The following FGGY variants were observed in gnomAD, a reference collection of about 807,000 sequenced individuals.
The protein encoded by FGGY is FGGY carbohydrate kinase domain-containing protein.
A neutral mutation model predicts 71.3 loss-of-function variants in FGGY; 72 were observed. The ratio of observed to expected loss-of-function variants is 1.01; its 90% CI spans 0.84 to 1.23. The LOEUF (loss-of-function observed/expected upper bound fraction) is 1.23, where lower values mean the gene tolerates loss of function less well. Ranked by LOEUF, FGGY falls within the 50% of genes most tolerant of loss-of-function variation. The probability of loss-of-function intolerance (pLI) is 0.00; values close to 1 mark genes in which losing one functional copy is unlikely to be tolerated. For synonymous variants in FGGY, 251 were observed against 250.3 expected (o/e 1.00, Z -0.02); for missense variants, 668 against 682.3 (o/e 0.98, Z 0.23).
chr1:59,517,315 G>GAGTGC (rs920034009), intron 7 of FGGY, among the ~76,000 whole-genome samples: 2 of 139,716 alleles, frequency 1.4e-5, no homozygotes, highest in African/African-American at 5.5e-5. Flanking sequence ...GCCCAGGCTG[G>GAGTGC]AGTGCAGTGG....
chr1:59,649,106 T>A (rs1378217936), intron 11 of FGGY, among the ~76,000 whole-genome samples: 1 of 152,082 alleles, frequency 6.6e-6, no homozygotes, highest in African/African-American at 2.4e-5. Flanking sequence ...TCCATTGGTC[T>A]ATATCTCTCT....
At chr1:59,719,766 T>C (rs547759319) in intron 14 of FGGY, among the ~76,000 whole-genome samples, 117 of 152,312 alleles carry the variant, frequency 7.7e-4, no homozygotes, top group African/African-American at 2.6e-3. Flanking sequence ...GGAACATTCT[T>C]TCATTTAATA....
In FGGY at chr1:59,507,518, A is replaced by G. The variant is rs373293756; in HGVS notation, c.671-4793A>G. Among the ~76,000 whole-genome samples the G allele has an allele frequency of 1.3e-4, 19 of 151,212 alleles. No individual in the cohort carries two copies. The East Asian group carries it at 1.9e-3, about 15-fold the overall frequency. On this transcript the variant is annotated intron_variant, in intron 6 of 15. Coordinates refer to ENST00000303721, the MANE Select transcript of FGGY (RefSeq NM_018291.5). ...ACACTGTGTGTTTATCTTCTTTTTTATTTATTTATTTTTTTGAGACGGAGT... is the reference window on the plus strand; with the variant it reads ...ACACTGTGTGTTTATCTTCTTTTTTGTTTATTTATTTTTTTGAGACGGAGT...
intron 6 of FGGY, among the ~76,000 whole-genome samples, chr1:59,501,844 T>C (rs1399169375): frequency 6.6e-5 from 10 of 152,206 alleles, no homozygotes; most frequent in Admixed American, 6.5e-4. Flanking sequence ...TATCTCCACA[T>C]GCTGTAACAT....
chr1:59,556,257 G>C (rs533930766), intron 8 of FGGY, among the ~76,000 whole-genome samples: 3 of 152,184 alleles, frequency 2.0e-5, no homozygotes, highest in Non-Finnish European at 4.4e-5. Context: ...TCTCCTGGGA[G>C]ATCTGAATCT....
At chr1:59,376,152 T>G (rs577985089) in intron 4 of FGGY, among the ~76,000 whole-genome samples, 1 of 152,332 alleles carries the variant, frequency 6.6e-6, no homozygotes, top group South Asian at 2.1e-4. Flanking sequence ...TGACTGTGGC[T>G]TGTTAGATCC....
At chr1:59,303,249 C>G (rs551004838) in intron 1 of FGGY, among the ~76,000 whole-genome samples, 2 of 152,266 alleles carry the variant, frequency 1.3e-5, no homozygotes, top group South Asian at 4.1e-4. Flanking sequence ...AGTTTGTATT[C>G]TTTGGCCAAC....
intron 12 of FGGY, among the ~76,000 whole-genome samples, chr1:59,661,917 C>T (rs2097278309): frequency 6.6e-6 from 1 of 150,858 alleles, no homozygotes; most frequent in Non-Finnish European, 1.5e-5. Context: ...GATGGGGTTT[C>T]ACCATGTTGG....
chr1:59,540,935 C>G (rs2095430139), intron 7 of FGGY, among the ~76,000 whole-genome samples: 2 of 152,296 alleles, frequency 1.3e-5, no homozygotes, highest in South Asian at 2.1e-4. Context: ...AAATTCTACT[C>G]CCACCTTGCT....
chr1:59,546,050 G>A (rs931484891), intron 7 of FGGY, among the ~76,000 whole-genome samples: 20 of 151,912 alleles, frequency 1.3e-4, no homozygotes, highest in South Asian at 2.1e-4. Context: ...AGCACACACC[G>A]TGCTGAAATC....
intron 9 of FGGY, among the ~76,000 whole-genome samples, chr1:59,612,472 G>C (rs944491032): frequency 1.3e-5 from 2 of 152,116 alleles, no homozygotes; most frequent in African/African-American, 2.4e-5. Flanking sequence ...CACCAGGCCT[G>C]CCCTAAAAGA....
At chr1:59,682,941 T>A (rs1228762867) in intron 14 of FGGY, among the ~76,000 whole-genome samples, 1 of 152,218 alleles carries the variant, frequency 6.6e-6, no homozygotes, top group African/African-American at 2.4e-5. Flanking sequence ...CATAGCAAGA[T>A]GTTCTCAATG....
chr1:59,422,420 G>A (rs539285502), intron 5 of FGGY, among the ~76,000 whole-genome samples: 5 of 152,286 alleles, frequency 3.3e-5, no homozygotes, highest in Admixed American at 2.6e-4. Context: ...TGGGCTGGGC[G>A]TGGTGATTCA....
At chr1:59,638,438 G>A in intron 11 of FGGY, 63 bp downstream of exon 11, 3 of 1,575,066 alleles carry the variant, frequency 1.9e-6, no homozygotes, top group Non-Finnish European at 2.6e-6. Flanking sequence ...AAGTTTGGAA[G>A]AAGCAAAGTG....
intron 6 of FGGY, among the ~76,000 whole-genome samples, chr1:59,507,057 G>C (rs1466169123): frequency 6.6e-6 from 1 of 152,142 alleles, no homozygotes. Flanking sequence ...AATTGGGCAG[G>C]TCCCCAACCA....
rs80178854 is a variant in FGGY at position 59,422,566 on chromosome 1, G to A, written c.555-34395G>A. Among the ~76,000 whole-genome samples the A allele has an allele frequency of 9.3e-3, 1,418 of 151,894 alleles. 22 individuals are homozygous for A. Among genetic ancestry groups the A allele is most frequent in the East Asian group, 0.056 (287 of 5,162 alleles). ...GAAAATTAGCCAGGTGAGGTAGTGCGTGCCTTTAGTCCCAGCTACTCAGGA... is the reference window on the plus strand; with the variant it reads ...GAAAATTAGCCAGGTGAGGTAGTGCATGCCTTTAGTCCCAGCTACTCAGGA... On this transcript the variant is annotated intron_variant, in intron 5 of 15. Transcript: ENST00000303721.
intron 5 of FGGY, among the ~76,000 whole-genome samples, chr1:59,424,010 T>C (rs2065896149): frequency 6.6e-6 from 1 of 152,218 alleles, no homozygotes; most frequent in Non-Finnish European, 1.5e-5. Context: ...TCATTCACAG[T>C]ACTTACTACA....
intron 4 of FGGY, among the ~76,000 whole-genome samples, chr1:59,360,864 G>T (rs2055368041): frequency 3.3e-5 from 5 of 152,160 alleles, no homozygotes. Context: ...GTTTGAGTGG[G>T]TGGGAACAGT....
intron 14 of FGGY, among the ~76,000 whole-genome samples, chr1:59,737,255 G>T (rs1457773252): frequency 6.6e-6 from 1 of 152,258 alleles, no homozygotes; most frequent in African/African-American, 2.4e-5. Context: ...GTGTGGAAGG[G>T]AAATGTGGGG....
Sources: gnomAD v4.1 joint callset for allele counts (sites outside exome capture counted in the v4.1 genomes callset) on GRCh38, gnomAD v4.1.1 for gene constraint, MANE v1.5 for transcripts, NCBI Gene and HGNC (gene_info 2026-07-23, HGNC 2026-07-21) for gene names.